Variants in WDR41 observed in about 807,000 individuals in gnomAD.
The protein encoded by WDR41 is WD repeat-containing protein 41.
In WDR41, 63 loss-of-function variants were observed where a neutral mutation model predicts 69.3. The ratio of observed to expected loss-of-function variants is 0.91; its 90% CI spans 0.74 to 1.12. The LOEUF is 1.12. WDR41 is among the 50% of genes most tolerant of loss of function. The pLI is 0.00. For synonymous variants in WDR41, 185 were observed against 192.1 expected, an observed-to-expected ratio of 0.96 and a Z score of 0.31; for missense variants, 543 against 534.5, an observed-to-expected ratio of 1.02 and a Z score of -0.16.
intron 1 of WDR41, among the ~76,000 whole-genome samples, chr5:77,522,435 A>G (rs1354509416): frequency 6.6e-6 from 1 of 152,140 alleles, no homozygotes; most frequent in African/African-American, 2.4e-5. Flanking sequence ...AGGTCAGGAG[A>G]TTGAGACCAT....
At chr5:77,537,143 G>A (rs751846558) in intron 1 of WDR41, among the ~76,000 whole-genome samples, 3 of 152,196 alleles carry the variant, frequency 2.0e-5, no homozygotes, top group Non-Finnish European at 4.4e-5. Context: ...AATACTTACC[G>A]ACCTTGCCTA....
chr5:77,569,337 A>G (rs750853101), intron 1 of WDR41, among the ~76,000 whole-genome samples: 3 of 152,168 alleles, frequency 2.0e-5, no homozygotes, highest in Non-Finnish European at 4.4e-5. Flanking sequence ...AAGATGACAC[A>G]CTAAGGTCAT....
intron 1 of WDR41, among the ~76,000 whole-genome samples, chr5:77,564,482 T>C (rs1233562043): frequency 6.6e-6 from 1 of 152,196 alleles, no homozygotes; most frequent in East Asian, 1.9e-4. Context: ...GTTCAGATGA[T>C]CAACATAGTT....
At chr5:77,505,136 C>A (rs1391260854) in intron 1 of WDR41, among the ~76,000 whole-genome samples, 2 of 152,072 alleles carry the variant, frequency 1.3e-5, no homozygotes, top group South Asian at 2.1e-4. Flanking sequence ...CCATCGTCTC[C>A]ACCCAAAATC....
chr5:77,575,483 C>G (rs1052955038), intron 1 of WDR41, among the ~76,000 whole-genome samples: 3 of 152,150 alleles, frequency 2.0e-5, no homozygotes, highest in African/African-American at 7.2e-5. Context: ...AGAGGGAAGT[C>G]CTTTATCATA....
chr5:77,609,182 A>T (rs1337811226), intron 1 of WDR41, among the ~76,000 whole-genome samples: 5 of 152,218 alleles, frequency 3.3e-5, no homozygotes, highest in African/African-American at 4.8e-5. Context: ...CCACCACAGC[A>T]CAAGGAGGCC....
At chr5:77,495,123 C>T (rs930937039), upstream of WDR41, among the ~76,000 whole-genome samples, 1 of 151,860 alleles carries the variant, frequency 6.6e-6, no homozygotes, top group African/African-American at 2.4e-5. Context: ...TTACGGGATG[C>T]GGTAAAAGCA....
intron 1 of WDR41, among the ~76,000 whole-genome samples, chr5:77,575,059 A>G (rs1421455747): frequency 1.3e-5 from 2 of 152,210 alleles, no homozygotes; most frequent in Non-Finnish European, 2.9e-5. Flanking sequence ...AATTTAAAAA[A>G]AAACAAACAT....
chr5:77,490,132 T>G (rs1483892637), intron 1 of WDR41, among the ~76,000 whole-genome samples: 1 of 152,086 alleles, frequency 6.6e-6, no homozygotes, highest in Non-Finnish European at 1.5e-5. Flanking sequence ...CCCAACTAAT[T>G]TTTGTATTTT....
chr5:77,611,165 A>G (rs1744541460), intron 1 of WDR41, among the ~76,000 whole-genome samples: 1 of 151,786 alleles, frequency 6.6e-6, no homozygotes, highest in African/African-American at 2.4e-5. Flanking sequence ...GCAAGTCCTG[A>G]GTGACCTACA....
At chr5:77,619,897 C>T (rs1055307780) in intron 1 of WDR41, among the ~76,000 whole-genome samples, 2 of 152,036 alleles carry the variant, frequency 1.3e-5, no homozygotes, top group African/African-American at 2.4e-5. Flanking sequence ...ATCAATCCCT[C>T]GGGGAACCTG....
At chr5:77,497,527 G>A (rs1286068785) in intron 1 of WDR41, among the ~76,000 whole-genome samples, 1 of 152,248 alleles carries the variant, frequency 6.6e-6, no homozygotes, top group East Asian at 1.9e-4. Context: ...TTAGAAAAAT[G>A]CAAATCAAAA....
rs143879569 is a variant in WDR41 at position 77,604,387 on chromosome 5, C to A, written c.42+16092G>T. Among the ~76,000 whole-genome samples, 7 of 152,242 alleles carry A rather than the reference C, an allele frequency of 4.6e-5. No homozygotes were observed. In the South Asian group the frequency reaches 1.2e-3, roughly 27 times the overall value. On this transcript the variant is annotated intron_variant, in intron 1 of 5. Transcript: ENST00000509971. ...ATTTCTTTCTCAGCTAGTTCTGGTG[C>A]TTTACATGCTCAGAGAAACTTCTCT... is the stretch of plus-strand genomic sequence containing the variant.
intron 1 of WDR41, among the ~76,000 whole-genome samples, chr5:77,587,733 G>A (rs10805912): frequency 0.3 from 45,455 of 151,994 alleles, 6,869 homozygotes; most frequent in Non-Finnish European, 0.31. Flanking sequence ...TTAAAATGAG[G>A]ATGTTAAGGT....
In WDR41 at chr5:77,467,754, T is replaced by G. The variant is rs897593368; in HGVS notation, c.168-2945A>C. ...AACATTTAAGTGTTCAAGGGCTCTG[T>G]GAAATAGATTGATTAATGATGGCAA... is the stretch of plus-strand genomic sequence containing the variant. On this transcript the variant is annotated intron_variant, in intron 2 of 12. Transcript: ENST00000296679. Among the ~76,000 whole-genome samples the G allele has an allele frequency of 2.0e-5, 3 of 152,174 alleles. No individual in the cohort carries two copies. The South Asian group carries it at 6.2e-4, about 32-fold the overall frequency.
At chr5:77,514,513 T>C (rs1160608487) in intron 1 of WDR41, among the ~76,000 whole-genome samples, 1 of 152,160 alleles carries the variant, frequency 6.6e-6, no homozygotes, top group Admixed American at 6.6e-5. Flanking sequence ...CCCCATAAGG[T>C]GTAAGCTCTA....
chr5:77,572,155 G>T (rs1743744851), intron 1 of WDR41, among the ~76,000 whole-genome samples: 1 of 152,142 alleles, frequency 6.6e-6, no homozygotes, highest in South Asian at 2.1e-4. Flanking sequence ...TCTTAGTAAC[G>T]ACCACTATTC....
chr5:77,510,599 T>A (rs1802182761), intron 1 of WDR41, among the ~76,000 whole-genome samples: 1 of 152,052 alleles, frequency 6.6e-6, no homozygotes, highest in East Asian at 1.9e-4. Context: ...CTTTCTACTA[T>A]CTTAATTTTC....
At chr5:77,518,039 A>G (rs1802317038) in intron 1 of WDR41, among the ~76,000 whole-genome samples, 1 of 152,230 alleles carries the variant, frequency 6.6e-6, no homozygotes, top group East Asian at 1.9e-4. Flanking sequence ...CCTCAAAAAA[A>G]AGTGTTGCAT....
Sources: allele counts gnomAD v4.1 joint callset (sites outside exome capture counted in the v4.1 genomes callset), GRCh38; gene constraint gnomAD v4.1.1; transcripts MANE v1.5; gene names NCBI Gene and HGNC (gene_info 2026-07-23, HGNC 2026-07-21).